PLEKHB2: variants seen among roughly 807,000 people sequenced by gnomAD.
PLEKHB2 encodes the protein pleckstrin homology domain-containing family B member 2.
A neutral mutation model predicts 36.5 loss-of-function variants in PLEKHB2; 31 were observed. That is an observed-to-expected ratio of 0.85 (90% CI 0.64 to 1.15). The LOEUF (loss-of-function observed/expected upper bound fraction) is 1.15, where lower values mean the gene tolerates loss of function less well. Ranked by LOEUF, PLEKHB2 falls within the 50% of genes most tolerant of loss-of-function variation. The pLI is 0.00. For synonymous variants in PLEKHB2, 119 were observed against 112.0 expected (o/e 1.06, Z -0.39); for missense variants, 262 against 295.3 (o/e 0.89, Z 0.83).
At chr2:131,106,565 G>C (rs574880245) in intron 1 of PLEKHB2, among the ~76,000 whole-genome samples, 1 of 152,318 alleles carries the variant, frequency 6.6e-6, no homozygotes, top group South Asian at 2.1e-4. Context: ...TCTGCCTAAG[G>C]ACCTGTGGGG....
chr2:131,128,992 G>A (rs1163396653), intron 4 of PLEKHB2, among the ~76,000 whole-genome samples: 2 of 145,474 alleles, frequency 1.4e-5, no homozygotes, highest in Admixed American at 7.3e-5. Context: ...TACAAAATCA[G>A]TTGGGGAATT....
chr2:131,139,842 G>A (rs1698605725), intron 6 of PLEKHB2, among the ~76,000 whole-genome samples: 2 of 152,104 alleles, frequency 1.3e-5, no homozygotes. Flanking sequence ...TTTACAGATG[G>A]GCAAAGGAAG....
At chr2:131,108,735 C>G (rs921067845) in intron 1 of PLEKHB2, among the ~76,000 whole-genome samples, 9 of 152,188 alleles carry the variant, frequency 5.9e-5, no homozygotes, top group Non-Finnish European at 4.4e-5. Flanking sequence ...CAAGCTTGTT[C>G]TAGAATATTT....
intron 4 of PLEKHB2, among the ~76,000 whole-genome samples, chr2:131,129,404 T>C (rs1697437686): frequency 7.4e-6 from 1 of 134,674 alleles, no homozygotes; most frequent in Non-Finnish European, 1.6e-5. Flanking sequence ...CTCAGGGAGA[T>C]AGTAAAATGA....
intron 6 of PLEKHB2, among the ~76,000 whole-genome samples, chr2:131,139,372 C>G (rs906031628): frequency 1.3e-5 from 2 of 152,164 alleles, no homozygotes; most frequent in Non-Finnish European, 1.5e-5. Flanking sequence ...GAAAGAATGT[C>G]TACTCCATCT....
intron 2 of PLEKHB2, among the ~76,000 whole-genome samples, chr2:131,122,265 C>T (rs1439108613): frequency 1.3e-5 from 2 of 152,106 alleles, no homozygotes; most frequent in Non-Finnish European, 2.9e-5. Flanking sequence ...TTAAAAAATG[C>T]AAGCAGAATA....
At chr2:131,119,923 G>A (rs1696304686) in intron 1 of PLEKHB2, among the ~76,000 whole-genome samples, 1 of 150,452 alleles carries the variant, frequency 6.6e-6, no homozygotes. Flanking sequence ...GTAAGTGAAG[G>A]AAATAAGCTC....
chr2:131,124,936 C>A (rs754176762), intron 2 of PLEKHB2, among the ~76,000 whole-genome samples: 1 of 152,008 alleles, frequency 6.6e-6, no homozygotes, highest in Non-Finnish European at 1.5e-5. Context: ...CAGGTACGAG[C>A]CACCACGCCC....
chr2:131,114,219 G>A (rs980430721), intron 1 of PLEKHB2, among the ~76,000 whole-genome samples: 21 of 152,276 alleles, frequency 1.4e-4, no homozygotes, highest in African/African-American at 4.8e-4. Flanking sequence ...TCCGCCTCCT[G>A]GGTTCGCACC....
chr2:131,146,469 C>G (rs779622564), intron 7 of PLEKHB2, among the ~76,000 whole-genome samples, 168 bp from the exon 8 acceptor site: 2 of 152,080 alleles, frequency 1.3e-5, no homozygotes, highest in Non-Finnish European at 2.9e-5. Context: ...TCCCAGTGTG[C>G]GGTTTCAGGG....
chr2:131,111,381 CTCT>C (rs1695305946), intron 1 of PLEKHB2, among the ~76,000 whole-genome samples: 4 of 138,298 alleles, frequency 2.9e-5, no homozygotes, highest in African/African-American at 1.1e-4. Context: ...TTTTTTTTAG[CTCT>C]TCATTTCAGA....
rs193274332 is a variant in PLEKHB2, at chr2:131,117,702, C to T, written c.-8-3232C>T. 1.5e-3 allele frequency among the ~76,000 whole-genome samples: 234 copies of T among 152,142 alleles called. 3 individuals are homozygous for T. Among genetic ancestry groups the T allele is most frequent in the South Asian group, 0.01 (49 of 4,820 alleles). ...AAATATCTAGGATTTGACGTGAATGCGTACGTGCTTTGCCCTCTCATTTTT... is the reference window on the plus strand; with the variant it reads ...AAATATCTAGGATTTGACGTGAATGTGTACGTGCTTTGCCCTCTCATTTTT... On this transcript the variant is annotated intron_variant, in intron 1 of 7. Transcript: ENST00000693505.
At chr2:131,146,522 C>T (rs1257463049) in intron 7 of PLEKHB2, 115 bp from the exon 8 acceptor site, 6 of 1,073,408 alleles carry the variant, frequency 5.6e-6, no homozygotes, top group East Asian at 5.1e-5. Flanking sequence ...AGGGCTGGGT[C>T]GCCAGTGTGA....
intron 1 of PLEKHB2, among the ~76,000 whole-genome samples, chr2:131,105,605 C>T (rs959037872): frequency 3.9e-5 from 6 of 152,152 alleles, no homozygotes; most frequent in African/African-American, 1.4e-4. Flanking sequence ...CTGACCTTCC[C>T]CAGGTCCGCC....
chr2:131,136,026 A>G (rs1218164043), intron 6 of PLEKHB2, among the ~76,000 whole-genome samples: 1 of 152,156 alleles, frequency 6.6e-6, no homozygotes, highest in African/African-American at 2.4e-5. Flanking sequence ...TATTTAATGC[A>G]TTCATTAAGT....
At chr2:131,139,788 G>A (rs1336004797) in intron 6 of PLEKHB2, among the ~76,000 whole-genome samples, 1 of 152,216 alleles carries the variant, frequency 6.6e-6, no homozygotes, top group Non-Finnish European at 1.5e-5. Context: ...CTGCAGAATA[G>A]TGGTTTTGGT....
At chr2:131,144,106 A>G (rs934043416) in intron 7 of PLEKHB2, among the ~76,000 whole-genome samples, 1 of 152,154 alleles carries the variant, frequency 6.6e-6, no homozygotes, top group Non-Finnish European at 1.5e-5. Flanking sequence ...TGTGTTGACA[A>G]CCAGATGGGT....
In PLEKHB2 at chr2:131,146,549, C is replaced by T. The variant is rs150997103; in HGVS notation, c.533-88C>T. The stretch of plus-strand genomic sequence containing the variant: ...CCAGTGTGACAGGAGACAGCAGATC[C>T]CTTTTGTGAAAGGAGAACTGGTACT... On this transcript the variant is annotated intron_variant, in intron 7 of 7. Transcript: ENST00000693505. 4.7e-4 allele frequency: 644 copies of T among 1,370,066 alleles called. 2 individuals carry two copies. In the African/African-American group the frequency reaches 5.2e-3, roughly 11 times the overall value. The allele number at this position is 1,370,066 out of a possible 1,614,324, so 84.9% of individuals were successfully genotyped here.
Position 131,149,129 on chromosome 2 carries a change from C to G in PLEKHB2, c.*2356C>G, listed in dbSNP as rs910731324. The G allele has an allele frequency of 6.6e-6, 1 of 152,212 alleles. No individual in the cohort carries two copies. Among genetic ancestry groups the G allele is most frequent in the African/African-American group, 2.4e-5 (1 of 41,454 alleles). 9.4% of individuals were successfully genotyped at this position (152,212 alleles called of 1,614,324 possible). On this transcript the variant is annotated 3_prime_UTR_variant, in exon 8 of 8. Coordinates refer to ENST00000693505, the MANE Select transcript of PLEKHB2 (RefSeq NM_001100623.2). ...TCTCATTAGGCAGCCATAGATAAGC[C>G]TGGAACTTGGCTGTCATTAGTGACT...
Sources: allele counts gnomAD v4.1 joint callset (sites outside exome capture counted in the v4.1 genomes callset), GRCh38; gene constraint gnomAD v4.1.1; transcripts MANE v1.5; gene names NCBI Gene and HGNC (gene_info 2026-07-23, HGNC 2026-07-21).